The following BICC1 variants were observed in gnomAD, a reference collection of about 807,000 sequenced individuals.
BICC1 encodes BicC family RNA binding protein 1.
BICC1 carries 43 observed loss-of-function variants against 111.0 expected under a neutral mutation model. That is an observed-to-expected ratio of 0.39 (90% CI 0.30 to 0.50). The LOEUF (loss-of-function observed/expected upper bound fraction) is 0.50, where lower values mean the gene tolerates loss of function less well. Ranked by LOEUF, BICC1 falls within the 20% of genes least tolerant of loss-of-function variation. The pLI is 0.88. For missense variants in BICC1, 1,091 were observed against 1,203.2 expected (o/e 0.91, Z 1.38); for synonymous variants, 467 against 434.4 (o/e 1.07, Z -0.93).
At chr10:58,703,292 A>G (rs1318456206) in intron 3 of BICC1, among the ~76,000 whole-genome samples, 2 of 33,092 alleles carry the variant, frequency 6.0e-5, no homozygotes, top group Non-Finnish European at 1.5e-4. Flanking sequence ...AGACTCAAGT[A>G]GCTGGGACTA....
chr10:58,682,683 T>A (rs1166904717), intron 2 of BICC1, among the ~76,000 whole-genome samples: 1 of 152,246 alleles, frequency 6.6e-6, no homozygotes, highest in African/African-American at 2.4e-5. Context: ...TGTCTTCTTT[T>A]GAGAAGTGTC....
intron 2 of BICC1, among the ~76,000 whole-genome samples, chr10:58,653,178 A>T (rs1838506245): frequency 6.6e-6 from 1 of 152,152 alleles, no homozygotes; most frequent in South Asian, 2.1e-4. Flanking sequence ...ATTGATTTTG[A>T]TGGTTTATGC....
At chr10:58,651,787 G>A (rs1017828010) in intron 2 of BICC1, among the ~76,000 whole-genome samples, 4 of 152,006 alleles carry the variant, frequency 2.6e-5, no homozygotes, top group African/African-American at 9.7e-5. Flanking sequence ...TTGAAAATAA[G>A]TTATTTCCCC....
At chr10:58,793,237 A>C (rs1179023142) in intron 8 of BICC1, among the ~76,000 whole-genome samples, 1 of 152,178 alleles carries the variant, frequency 6.6e-6, no homozygotes. Flanking sequence ...AGTGGATAAA[A>C]AAAGTCCGGG....
chr10:58,677,250 C>A (rs1839374636), intron 2 of BICC1, among the ~76,000 whole-genome samples: 1 of 152,132 alleles, frequency 6.6e-6, no homozygotes, highest in Admixed American at 6.5e-5. Context: ...ATAACAGACT[C>A]CTCCAAGCTA....
chr10:58,633,979 T>A (rs1588953237), intron 2 of BICC1, among the ~76,000 whole-genome samples: 1 of 146 alleles, frequency 6.8e-3, no homozygotes, highest in African/African-American at 0.012. Context: ...TTCTTTTTCT[T>A]TTTTTTTTTT....
intron 1 of BICC1, among the ~76,000 whole-genome samples, chr10:58,566,259 C>T (rs1199369239): frequency 8.1e-5 from 11 of 135,866 alleles, no homozygotes; most frequent in South Asian, 5.1e-4. Flanking sequence ...CATATACATA[C>T]GTGCATATGT....
intron 3 of BICC1, among the ~76,000 whole-genome samples, chr10:58,713,121 G>T (rs2132492012): frequency 6.6e-6 from 1 of 152,202 alleles, no homozygotes; most frequent in South Asian, 2.1e-4. Context: ...TTTAAAAAAG[G>T]AAAGTGAGGA....
chr10:58,685,379 A>T (rs1182791545), intron 2 of BICC1, among the ~76,000 whole-genome samples: 1 of 152,218 alleles, frequency 6.6e-6, no homozygotes, highest in Admixed American at 6.5e-5. Context: ...GATGTCTATT[A>T]GGTCCGCTTG....
At chr10:58,657,730 T>G (rs1057034998) in intron 2 of BICC1, among the ~76,000 whole-genome samples, 3 of 152,224 alleles carry the variant, frequency 2.0e-5, no homozygotes, top group African/African-American at 7.2e-5. Context: ...TTGAATTTGC[T>G]TTTAACTTTT....
At chr10:58,763,709 G>A (rs754958504) in intron 3 of BICC1, among the ~76,000 whole-genome samples, 2 of 152,016 alleles carry the variant, frequency 1.3e-5, no homozygotes, top group Non-Finnish European at 2.9e-5. Flanking sequence ...ACCCAGAAAA[G>A]AGAGAAGAGT....
intron 1 of BICC1, among the ~76,000 whole-genome samples, chr10:58,611,197 A>T (rs1729201146): frequency 6.6e-6 from 1 of 152,238 alleles, no homozygotes; most frequent in Non-Finnish European, 1.5e-5. Context: ...TTTAAAAATA[A>T]TTTTTACCTG....
chr10:58,604,332 T>G (rs1237991852), intron 1 of BICC1, among the ~76,000 whole-genome samples: 2 of 152,100 alleles, frequency 1.3e-5, no homozygotes, highest in African/African-American at 4.8e-5. Context: ...ACCATAATCT[T>G]TAAAAATAAA....
chr10:58,820,262 T>G, intron 19 of BICC1, 107 bp from the exon 20 acceptor site: 2 of 672,990 alleles, frequency 3.0e-6, no homozygotes, highest in Non-Finnish European at 5.1e-6. Context: ...TTTCTGGAAG[T>G]AGGCAGAGCA....
At chr10:58,701,912 T>C (rs1840248956) in intron 2 of BICC1, among the ~76,000 whole-genome samples, 162 bp from the exon 3 acceptor site, 1 of 152,118 alleles carries the variant, frequency 6.6e-6, no homozygotes, top group South Asian at 2.1e-4. Context: ...ACATCTCTTT[T>C]CCCCCCAGGG....
intron 2 of BICC1, among the ~76,000 whole-genome samples, chr10:58,630,276 G>T (rs908053140): frequency 6.6e-6 from 1 of 152,160 alleles, no homozygotes; most frequent in Non-Finnish European, 1.5e-5. Context: ...CTGGGGTTAG[G>T]AGAGGGAGAA....
At chr10:58,802,209 A>C (rs532115475) in intron 14 of BICC1, among the ~76,000 whole-genome samples, 1 of 152,284 alleles carries the variant, frequency 6.6e-6, no homozygotes, top group East Asian at 1.9e-4. Context: ...GCACCAGACA[A>C]CTTGCAGATG....
At chr10:58,610,378 C>T (rs1845377013) in intron 1 of BICC1, among the ~76,000 whole-genome samples, 1 of 152,128 alleles carries the variant, frequency 6.6e-6, no homozygotes, top group African/African-American at 2.4e-5. Flanking sequence ...GCCTTGCAAT[C>T]CACATTTTGA....
intron 2 of BICC1, chr10:58,650,950 G>A (rs1838427782): frequency 6.6e-6 from 1 of 151,832 alleles, no homozygotes; most frequent in South Asian, 2.1e-4. Context: ...ACATACAAAT[G>A]TTAATGGTAA....
Sources: gnomAD v4.1 joint callset for allele counts (sites outside exome capture counted in the v4.1 genomes callset) on GRCh38, gnomAD v4.1.1 for gene constraint, MANE v1.5 for transcripts, NCBI Gene and HGNC (gene_info 2026-07-23, HGNC 2026-07-21) for gene names.